The following SLC26A7 variants were observed in gnomAD, a reference collection of about 807,000 sequenced individuals.
SLC26A7 encodes solute carrier family 26 member 7.
A neutral mutation model predicts 82.5 loss-of-function variants in SLC26A7; 59 were observed. The ratio of observed to expected loss-of-function variants is 0.72; its 90% confidence interval spans 0.58 to 0.89. The LOEUF (loss-of-function observed/expected upper bound fraction) is 0.89, where lower values mean the gene tolerates loss of function less well. SLC26A7 is among the 40% of genes least tolerant of loss of function. The probability of loss-of-function intolerance (pLI) is 0.00; values close to 1 mark genes in which losing one functional copy is unlikely to be tolerated. For synonymous variants in SLC26A7, 271 were observed against 274.3 expected (o/e 0.99, Z 0.12); for missense variants, 820 against 793.0 (o/e 1.03, Z -0.41).
intron 16 of SLC26A7, among the ~76,000 whole-genome samples, chr8:91,390,174 G>A (rs528917450): frequency 1.3e-5 from 2 of 149,554 alleles, no homozygotes; most frequent in African/African-American, 2.5e-5. Context: ...GCAGTGGCGC[G>A]ATCTCGGCTC....
At chr8:91,222,983 A>G (rs1410990522) in intron 2 of SLC26A7, among the ~76,000 whole-genome samples, 1 of 152,116 alleles carries the variant, frequency 6.6e-6, no homozygotes, top group African/African-American at 2.4e-5. Flanking sequence ...TTTTGCCAGT[A>G]GACTATTAAT....
chr8:91,351,501 ACT>A (rs917402402), intron 9 of SLC26A7, among the ~76,000 whole-genome samples: 23 of 152,288 alleles, frequency 1.5e-4, no homozygotes, highest in Middle Eastern at 3.4e-3. Flanking sequence ...TGTCACTTTC[ACT>A]ATTAAACAAA....
At chr8:91,292,207 A>G (rs1430658593) in intron 3 of SLC26A7, among the ~76,000 whole-genome samples, 1 of 151,248 alleles carries the variant, frequency 6.6e-6, no homozygotes, top group African/African-American at 2.4e-5. Flanking sequence ...CAGGAGGCTG[A>G]GGCGGGGAGA....
chr8:91,358,690 G>C (rs1362815325), intron 11 of SLC26A7, among the ~76,000 whole-genome samples: 2 of 152,032 alleles, frequency 1.3e-5, no homozygotes, highest in Non-Finnish European at 2.9e-5. Flanking sequence ...CAACCCTAAT[G>C]TCCAACATAG....
intron 18 of SLC26A7, chr8:91,394,811 AACCCATTTTTAGAAACAAGGAAACTGAC>A: frequency 1.1e-6 from 1 of 897,650 alleles, no homozygotes; most frequent in South Asian, 2.7e-5. Context: ...ATGATAATTT[AACCCATTTTTAGAAACAAGGAAACTGAC>A]CAGGGAAATT....
chr8:91,288,415 C>G (rs900928884), intron 2 of SLC26A7, among the ~76,000 whole-genome samples: 3 of 152,100 alleles, frequency 2.0e-5, no homozygotes, highest in Non-Finnish European at 2.9e-5. Flanking sequence ...TTAGACATGT[C>G]TAAGAAAATT....
chr8:91,315,286 A>C (rs1030066084), intron 4 of SLC26A7, among the ~76,000 whole-genome samples: 1 of 152,300 alleles, frequency 6.6e-6, no homozygotes, highest in South Asian at 2.1e-4. Context: ...TCTGGTTTTC[A>C]TCATACCTCA....
intron 4 of SLC26A7, among the ~76,000 whole-genome samples, chr8:91,298,025 C>G (rs191016833): frequency 6.6e-6 from 1 of 152,118 alleles, no homozygotes; most frequent in Admixed American, 6.5e-5. Flanking sequence ...ACCCTCCTAT[C>G]GGAGGCTTAC....
chr8:91,260,354 C>A (rs1217880497), intron 2 of SLC26A7, among the ~76,000 whole-genome samples: 1 of 152,124 alleles, frequency 6.6e-6, no homozygotes, highest in Non-Finnish European at 1.5e-5. Context: ...CTAATCACCT[C>A]CTACCATATC....
chr8:91,360,709 C>T (rs891196101), intron 11 of SLC26A7, among the ~76,000 whole-genome samples: 2 of 152,092 alleles, frequency 1.3e-5, no homozygotes, highest in East Asian at 3.9e-4. Flanking sequence ...GGACCAGGAT[C>T]CTTAGTTCCC....
intron 15 of SLC26A7, among the ~76,000 whole-genome samples, chr8:91,375,121 G>C (rs1814474083): frequency 6.6e-6 from 1 of 151,804 alleles, no homozygotes; most frequent in Admixed American, 6.6e-5. Context: ...CTTTGAGCCT[G>C]TGAGTGTTGT....
rs138561439 is a variant in SLC26A7 at position 91,299,981 on chromosome 8, T to C, written c.477+4278T>C. On this transcript the variant is annotated intron_variant, in intron 4 of 18. Coordinates refer to ENST00000276609, the MANE Select transcript of SLC26A7 (RefSeq NM_052832.4). Reference sequence around the variant, plus strand: ...GTAAAGAAGTGGAGAAAGAGTTGTGTGTGGGGAACATTAGACAAATACAAG... The same window carrying C: ...GTAAAGAAGTGGAGAAAGAGTTGTGCGTGGGGAACATTAGACAAATACAAG... 9.4e-3 allele frequency among the ~76,000 whole-genome samples: 1,431 copies of C among 152,292 alleles called. 15 individuals carry two copies. The highest frequency in any genetic ancestry group is 0.033 in the African/African-American group (1,360 of 41,546).
chr8:91,223,400 C>A (rs1810188708), intron 2 of SLC26A7, among the ~76,000 whole-genome samples: 1 of 152,110 alleles, frequency 6.6e-6, no homozygotes, highest in South Asian at 2.1e-4. Flanking sequence ...TCTTGCTTCT[C>A]TAGCTCTTTT....
intron 4 of SLC26A7, among the ~76,000 whole-genome samples, chr8:91,317,207 A>C (rs952978433): frequency 6.6e-6 from 1 of 151,886 alleles, no homozygotes; most frequent in Non-Finnish European, 1.5e-5. Context: ...GCTTCCTGTC[A>C]TTCCTGTCAC....
rs149765362 is a variant in SLC26A7 at position 91,292,667 on chromosome 8, T to C, written c.305-2864T>C. Among the ~76,000 whole-genome samples the C allele has an allele frequency of 2.6e-3, 390 of 152,140 alleles. 2 individuals are homozygous for C. Among genetic ancestry groups the C allele is most frequent in the African/African-American group, 8.7e-3 (361 of 41,542 alleles). On this transcript the variant is annotated intron_variant, in intron 3 of 18. Coordinates refer to ENST00000276609, the MANE Select transcript of SLC26A7 (RefSeq NM_052832.4). ...AAGTAAACAATTCATAAAATCAGAG[T>C]ATAAAGACATGAAACATGCTGTTTT...
chr8:91,277,760 A>G (rs1811444037), intron 2 of SLC26A7, among the ~76,000 whole-genome samples: 1 of 152,242 alleles, frequency 6.6e-6, no homozygotes, highest in African/African-American at 2.4e-5. Flanking sequence ...TATAGTTTAA[A>G]CTTCACATAT....
chr8:91,394,452 G>C, intron 18 of SLC26A7: 2 of 1,395,294 alleles, frequency 1.4e-6, no homozygotes, highest in Non-Finnish European at 1.9e-6. Context: ...GCCATCTTTG[G>C]AAATACTATT....
At chr8:91,372,495 C>T (rs1490264420) in intron 15 of SLC26A7, among the ~76,000 whole-genome samples, 12 of 151,834 alleles carry the variant, frequency 7.9e-5, no homozygotes, top group Non-Finnish European at 1.6e-4. Flanking sequence ...GCAATCCTTT[C>T]TTCATTTTTA....
chr8:91,358,070 C>A (rs1173903789), intron 11 of SLC26A7, among the ~76,000 whole-genome samples: 2 of 152,050 alleles, frequency 1.3e-5, no homozygotes, highest in Non-Finnish European at 2.9e-5. Context: ...ATATCATCTC[C>A]CACCAGTTAG....
Sources: gnomAD v4.1 joint callset for allele counts (sites outside exome capture counted in the v4.1 genomes callset) on GRCh38, gnomAD v4.1.1 for gene constraint, MANE v1.5 for transcripts, NCBI Gene and HGNC (gene_info 2026-07-23, HGNC 2026-07-21) for gene names.